Variants in KCNIP4 observed in about 807,000 individuals in gnomAD.
The protein encoded by KCNIP4 is Kv channel-interacting protein 4.
KCNIP4 carries 12 observed loss-of-function variants against 34.0 expected under a neutral mutation model. That is an observed-to-expected ratio of 0.35 (90% CI 0.23 to 0.57). The LOEUF is 0.57. Ranked by LOEUF, KCNIP4 falls within the 20% of genes least tolerant of loss-of-function variation. The probability of loss-of-function intolerance (pLI) is 0.83; values close to 1 mark genes in which losing one functional copy is unlikely to be tolerated. For missense variants in KCNIP4, 238 were observed against 311.7 expected, an observed-to-expected ratio of 0.76 and a Z score of 1.78; for synonymous variants, 124 against 102.2, an observed-to-expected ratio of 1.21 and a Z score of -1.29.
chr4:21,785,821 G>T (rs1719873643), intron 1 of KCNIP4, among the ~76,000 whole-genome samples: 1 of 152,092 alleles, frequency 6.6e-6, no homozygotes, highest in Non-Finnish European at 1.5e-5. Context: ...TCATTGTACG[G>T]ATATGTCACA....
chr4:20,759,451 A>AC (rs1197568221), intron 3 of KCNIP4, among the ~76,000 whole-genome samples: 1 of 152,012 alleles, frequency 6.6e-6, no homozygotes, highest in Non-Finnish European at 1.5e-5. Context: ...ATATTTTTGA[A>AC]CTTCCGGAAA....
At chr4:21,230,978 A>G (rs1329892649) in intron 1 of KCNIP4, among the ~76,000 whole-genome samples, 1 of 152,208 alleles carries the variant, frequency 6.6e-6, no homozygotes, top group Non-Finnish European at 1.5e-5. Context: ...CATTTCCACC[A>G]ACAGTGTAAA....
intron 1 of KCNIP4, among the ~76,000 whole-genome samples, chr4:21,705,450 GA>G (rs1713187676): frequency 6.6e-6 from 1 of 152,074 alleles, no homozygotes. Flanking sequence ...AAAATTTAAT[GA>G]AAAATGTAAT....
intron 1 of KCNIP4, among the ~76,000 whole-genome samples, chr4:21,192,410 G>C (rs189385855): frequency 1.3e-5 from 2 of 152,276 alleles, no homozygotes; most frequent in African/African-American, 4.8e-5. Flanking sequence ...TGACGTAAGT[G>C]CACAAAATCT....
chr4:21,892,558 A>AAAC (rs940799501), intron 1 of KCNIP4, among the ~76,000 whole-genome samples: 3 of 151,432 alleles, frequency 2.0e-5, no homozygotes, highest in African/African-American at 4.8e-5. Context: ...AGTAAAAAAA[A>AAAC]AAAAAAAAAA....
chr4:21,847,000 GA>G (rs1724059876), intron 1 of KCNIP4: 2 of 152,094 alleles, frequency 1.3e-5, no homozygotes, highest in Admixed American at 6.6e-5. Context: ...ATCCTGGGTA[GA>G]CAGGAACAAC....
chr4:21,628,037 T>C (rs1485893902), intron 1 of KCNIP4, among the ~76,000 whole-genome samples: 1 of 152,150 alleles, frequency 6.6e-6, no homozygotes, highest in East Asian at 1.9e-4. Flanking sequence ...AAAATAGATA[T>C]ATTTTACATA....
At position 21,526,802 on chromosome 4, in the gene KCNIP4, G is replaced by A. The variant is rs192367595; in HGVS notation, c.61+421769C>T. 8.4e-4 allele frequency among the ~76,000 whole-genome samples: 128 copies of A among 152,184 alleles called. 3 individuals are homozygous for A. The highest frequency in any genetic ancestry group is 2.8e-3 in the African/African-American group (118 of 41,522). On this transcript the variant is annotated intron_variant, in intron 1 of 8. Transcript: ENST00000382152. ...TTTTAAGGAAATATTATTAAAGAAC[G>A]CTGAGAGCACTCCAGGTTGTCTATG...
At chr4:20,805,750 A>C (rs1714997839) in intron 3 of KCNIP4, among the ~76,000 whole-genome samples, 1 of 152,152 alleles carries the variant, frequency 6.6e-6, no homozygotes, top group African/African-American at 2.4e-5. Context: ...CATTCAATTA[A>C]AGTCTTTTCA....
chr4:21,505,664 G>A (rs894412227), intron 1 of KCNIP4, among the ~76,000 whole-genome samples: 1 of 152,064 alleles, frequency 6.6e-6, no homozygotes, highest in Non-Finnish European at 1.5e-5. Context: ...CTGACTTTCA[G>A]CACTCAAAAG....
At chr4:21,832,966 A>G (rs1195798032) in intron 1 of KCNIP4, among the ~76,000 whole-genome samples, 1 of 148,864 alleles carries the variant, frequency 6.7e-6, no homozygotes, top group Non-Finnish European at 1.5e-5. Context: ...TATATGTGCC[A>G]CATTTTCTTA....
At chr4:21,453,049 C>A (rs1175654853) in intron 1 of KCNIP4, among the ~76,000 whole-genome samples, 1 of 152,086 alleles carries the variant, frequency 6.6e-6, no homozygotes, top group East Asian at 1.9e-4. Flanking sequence ...TTTCTAATTC[C>A]TTATGGCCAG....
At position 21,937,643 on chromosome 4, in the gene KCNIP4, C is replaced by T. The variant is rs143684517; in HGVS notation, c.61+10928G>A. ...CCTTAAATTTCATTGTTCTTCAAAACTAACCATTCAGGTTTTTTTCAACCG... is the reference window on the plus strand; with the variant it reads ...CCTTAAATTTCATTGTTCTTCAAAATTAACCATTCAGGTTTTTTTCAACCG... On this transcript the variant is annotated intron_variant, in intron 1 of 8. Transcript: ENST00000382152. 5.4e-3 allele frequency among the ~76,000 whole-genome samples: 826 copies of T among 152,228 alleles called. 8 individuals are homozygous for T. The highest frequency in any genetic ancestry group is 4.4e-3 in the Non-Finnish European group (300 of 67,990).
intron 1 of KCNIP4, among the ~76,000 whole-genome samples, chr4:20,983,416 T>A (rs973994478): frequency 6.6e-6 from 1 of 152,210 alleles, no homozygotes; most frequent in Non-Finnish European, 1.5e-5. Context: ...GACACACAGA[T>A]ATTCTCTTCA....
chr4:21,932,251 G>A (rs1054974841), intron 1 of KCNIP4, among the ~76,000 whole-genome samples: 1 of 152,044 alleles, frequency 6.6e-6, no homozygotes, highest in Admixed American at 6.6e-5. Flanking sequence ...TGTCGTGAGT[G>A]AAACAGTGAG....
intron 1 of KCNIP4, among the ~76,000 whole-genome samples, chr4:21,471,425 G>A (rs1484340218): frequency 6.6e-6 from 1 of 151,938 alleles, no homozygotes; most frequent in Admixed American, 6.6e-5. Context: ...CAGAAGCTAG[G>A]GAATTAAGAG....
chr4:21,749,455 G>A (rs1243146190), intron 1 of KCNIP4, among the ~76,000 whole-genome samples: 1 of 152,134 alleles, frequency 6.6e-6, no homozygotes, highest in Admixed American at 6.6e-5. Flanking sequence ...GACCAATGTG[G>A]CAAGTGCCAA....
At chr4:21,578,016 T>G (rs890924859) in intron 1 of KCNIP4, among the ~76,000 whole-genome samples, 2 of 152,144 alleles carry the variant, frequency 1.3e-5, no homozygotes, top group Admixed American at 1.3e-4. Context: ...CTAAACTATT[T>G]GTTCACTCTG....
chr4:21,636,473 C>T (rs1266759401), intron 1 of KCNIP4, among the ~76,000 whole-genome samples: 1 of 152,074 alleles, frequency 6.6e-6, no homozygotes, highest in African/African-American at 2.4e-5. Context: ...GAAGAGCTGC[C>T]AAGACCCAGG....
Sources: allele counts gnomAD v4.1 joint callset (sites outside exome capture counted in the v4.1 genomes callset), GRCh38; gene constraint gnomAD v4.1.1; transcripts MANE v1.5; gene names NCBI Gene and HGNC (gene_info 2026-07-23, HGNC 2026-07-21).